The following MRPS27 variants were observed in gnomAD, a reference collection of about 807,000 sequenced individuals.
The protein encoded by MRPS27 is small ribosomal subunit protein mS27.
In MRPS27, 43 loss-of-function variants were observed where a neutral mutation model predicts 48.9. The ratio of observed to expected loss-of-function variants is 0.88; its 90% confidence interval spans 0.69 to 1.13. The LOEUF is 1.13. MRPS27 is among the 50% of genes most tolerant of loss of function. The pLI, the probability that MRPS27 is intolerant of heterozygous loss-of-function variation, is 0.00. For synonymous variants in MRPS27, 188 were observed against 171.9 expected, an observed-to-expected ratio of 1.09 and a Z score of -0.73; for missense variants, 467 against 476.3, an observed-to-expected ratio of 0.98 and a Z score of 0.18.
chr5:72,221,258 G>A, intron 10 of MRPS27, 110 bp from the exon 11 acceptor site: 1 of 1,359,356 alleles, frequency 7.4e-7, no homozygotes, highest in Admixed American at 2.2e-5. Context: ...ACAAAAGTTT[G>A]CTGACTCGTA....
At position 72,259,649 on chromosome 5, in the gene MRPS27, G is replaced by A. The variant is rs79723711; in HGVS notation, c.282-21521C>T. Among the ~76,000 whole-genome samples the A allele has an allele frequency of 3.2e-3, 482 of 152,166 alleles. 1 individual carries two copies. The highest frequency in any genetic ancestry group is 0.011 in the African/African-American group (468 of 41,522). On this transcript the variant is annotated intron_variant, in intron 4 of 10. Coordinates refer to ENST00000261413, the MANE Select transcript of MRPS27 (RefSeq NM_015084.3). ...ATCACTTGGATTCTCACCATCCAGA[G>A]CTGGTATTCTGGTGTTTATTTGACT...
intron 4 of MRPS27, chr5:72,294,760 A>G (rs1265507137): frequency 6.6e-6 from 1 of 152,118 alleles, no homozygotes; most frequent in Non-Finnish European, 1.5e-5. Context: ...AAATAGGTAC[A>G]TAACAGTTCA....
intron 4 of MRPS27, among the ~76,000 whole-genome samples, chr5:72,276,670 A>G (rs1749381783): frequency 6.6e-6 from 1 of 152,108 alleles, no homozygotes; most frequent in Non-Finnish European, 1.5e-5. Flanking sequence ...TATCCATCTG[A>G]CAAAGGTCTA....
intron 2 of MRPS27, among the ~76,000 whole-genome samples, chr5:72,312,224 C>T (rs1346870108): frequency 6.6e-6 from 1 of 152,166 alleles, no homozygotes; most frequent in East Asian, 1.9e-4. Flanking sequence ...ATTATACCAT[C>T]AAAAACAACC....
rs369360511 is a variant in MRPS27, at chr5:72,234,197, C to A, written c.397G>T (p.Val133Phe). The change falls in exon 6 of 11, where the codon GTT becomes TTT. Residue 133 changes from valine to phenylalanine, a missense_variant and splice_region_variant. Val to Phe is a conservative substitution (Grantham distance 50). Transcript: ENST00000261413. Reference protein sequence around the residue: ...DKALYTLVNKVQYGIFPDNFT... With the variant: ...DKALYTLVNKFQYGIFPDNFT... ...TTATCTGGAAAAATTCCATATTGAA[C>A]CTATAATGAAAATGAACATAACAGG... 3.4e-6 allele frequency: 5 copies of A among 1,489,210 alleles called. No individual in the cohort carries two copies. The South Asian group carries it at 4.2e-5, about 13-fold the overall frequency. The allele number at this position is 1,489,210 out of a possible 1,614,324, so 92.2% of individuals were successfully genotyped here.
At chr5:72,298,615 A>G (rs1319217096) in intron 2 of MRPS27, among the ~76,000 whole-genome samples, 1 of 150,174 alleles carries the variant, frequency 6.7e-6, no homozygotes, top group Non-Finnish European at 1.5e-5. Flanking sequence ...CTGAGGCAGG[A>G]GAATGGCGTG....
intron 4 of MRPS27, among the ~76,000 whole-genome samples, chr5:72,288,401 C>T (rs10040432): frequency 0.038 from 5,831 of 152,144 alleles, 185 homozygotes; most frequent in Non-Finnish European, 0.061. Context: ...TTAGCAAAGA[C>T]GGGGTTTCAC....
intron 4 of MRPS27, among the ~76,000 whole-genome samples, chr5:72,269,671 T>G: frequency 6.6e-6 from 1 of 152,176 alleles, no homozygotes. Context: ...TAAATGGCAT[T>G]AGGATAGCTG....
intron 4 of MRPS27, among the ~76,000 whole-genome samples, chr5:72,254,707 T>A (rs1321297083): frequency 6.6e-6 from 1 of 152,154 alleles, no homozygotes; most frequent in South Asian, 2.1e-4. Context: ...AACTTTTCCT[T>A]CCTTGCAAAT....
chr5:72,295,687 A>C (rs922511679), intron 3 of MRPS27, 98 bp from the exon 4 acceptor site: 2 of 864,716 alleles, frequency 2.3e-6, no homozygotes, highest in African/African-American at 1.7e-5. Context: ...AACACAGGAC[A>C]CCCATTTTAT....
chr5:72,246,575 A>C (rs547936870), intron 4 of MRPS27, among the ~76,000 whole-genome samples: 2 of 152,358 alleles, frequency 1.3e-5, no homozygotes, highest in East Asian at 3.9e-4. Flanking sequence ...GAGGCTTTGA[A>C]AGCAACCTAG....
intron 4 of MRPS27, 30 bp downstream of exon 4, chr5:72,295,501 G>C: frequency 1.3e-6 from 2 of 1,551,688 alleles, no homozygotes; most frequent in Non-Finnish European, 1.8e-6. Context: ...AAATCACAGA[G>C]TACATAGCCA....
chr5:72,252,763 AAAC>A (rs1172918554), intron 4 of MRPS27, among the ~76,000 whole-genome samples: 1 of 152,162 alleles, frequency 6.6e-6, no homozygotes, highest in Non-Finnish European at 1.5e-5. Context: ...GTAGAAATGA[AAAC>A]AACATGTTCT....
At chr5:72,221,721 A>C (rs1356331802) in intron 10 of MRPS27, among the ~76,000 whole-genome samples, 2 of 152,230 alleles carry the variant, frequency 1.3e-5, no homozygotes, top group Admixed American at 6.5e-5. Context: ...CAACAGACGG[A>C]AATCAGTTCA....
At chr5:72,282,116 T>A (rs561522897) in intron 4 of MRPS27, among the ~76,000 whole-genome samples, 1 of 152,298 alleles carries the variant, frequency 6.6e-6, no homozygotes, top group South Asian at 2.1e-4. Flanking sequence ...AAATCTATCA[T>A]GAAAATGAAA....
intron 4 of MRPS27, among the ~76,000 whole-genome samples, chr5:72,245,531 T>C (rs1043856622): frequency 7.2e-5 from 11 of 151,768 alleles, no homozygotes; most frequent in African/African-American, 2.7e-4. Context: ...ATCACATATA[T>C]TAATTAAACA....
At chr5:72,293,600 A>G (rs1267740145) in intron 4 of MRPS27, among the ~76,000 whole-genome samples, 1 of 152,174 alleles carries the variant, frequency 6.6e-6, no homozygotes, top group Non-Finnish European at 1.5e-5. Context: ...TTTCAGTAAT[A>G]CTTGGAGAAT....
chr5:72,259,005 A>G (rs1382105752), intron 4 of MRPS27, among the ~76,000 whole-genome samples: 1 of 152,096 alleles, frequency 6.6e-6, no homozygotes, highest in Non-Finnish European at 1.5e-5. Context: ...TGAGCATATT[A>G]TATCTACTTT....
At chr5:72,307,526 T>A (rs1018552542) in intron 2 of MRPS27, among the ~76,000 whole-genome samples, 1 of 152,076 alleles carries the variant, frequency 6.6e-6, no homozygotes, top group African/African-American at 2.4e-5. Context: ...CTGCCTGGGA[T>A]CTCCTTCAAA....
Sources: allele counts gnomAD v4.1 joint callset (sites outside exome capture counted in the v4.1 genomes callset), GRCh38; gene constraint gnomAD v4.1.1; transcripts MANE v1.5; gene names NCBI Gene and HGNC (gene_info 2026-07-23, HGNC 2026-07-21).